RFX2: variants seen among roughly 807,000 people sequenced by gnomAD.
The protein encoded by RFX2 is DNA-binding protein RFX2.
Under a neutral mutation model 87.8 loss-of-function variants are expected in RFX2, and 20 were observed. The ratio of observed to expected loss-of-function variants is 0.23; its 90% CI spans 0.16 to 0.33. RFX2 has a LOEUF of 0.33. RFX2 is among the 10% of genes least tolerant of loss of function. The pLI, the probability that RFX2 is intolerant of heterozygous loss-of-function variation, is 1.00. For synonymous variants in RFX2, 397 were observed against 431.3 expected (o/e 0.92, Z 0.98); for missense variants, 767 against 1,012.3 (o/e 0.76, Z 3.29).
In RFX2 at chr19:6,007,370, C is replaced by T. The variant is rs751502745; in HGVS notation, c.1248-204G>A. Among the ~76,000 whole-genome samples the T allele has an allele frequency of 2.6e-5, 4 of 152,176 alleles. No homozygotes were observed. The highest frequency in any genetic ancestry group is 5.9e-5 in the Non-Finnish European group (4 of 68,032). On this transcript the variant is annotated intron_variant, in intron 11 of 17. Coordinates refer to ENST00000303657, the MANE Select transcript of RFX2 (RefSeq NM_000635.4). The surrounding 1 kb of genome is among the most constrained non-coding windows in gnomAD (Gnocchi z 8.2). The stretch of plus-strand genomic sequence containing the variant: ...GTTTCCCCCTGTCCCTCACTGTCCA[C>T]GCTGTCCCTCCCCTGCCAGTGGTCA...
At chr19:6,077,760 T>A (rs1315482466) in intron 1 of RFX2, among the ~76,000 whole-genome samples, 1 of 151,968 alleles carries the variant, frequency 6.6e-6, no homozygotes, top group Non-Finnish European at 1.5e-5. Context: ...GGCGGGTGGA[T>A]CACCTGAGGT....
chr19:6,009,792 C>G (rs2086636827), intron 9 of RFX2, among the ~76,000 whole-genome samples: 1 of 152,202 alleles, frequency 6.6e-6, no homozygotes, highest in African/African-American at 2.4e-5. Flanking sequence ...TCTTGAACTC[C>G]TGAGCTCAAG....
chr19:6,008,768 C>A (rs2086623591), intron 9 of RFX2, among the ~76,000 whole-genome samples: 2 of 151,380 alleles, frequency 1.3e-5, no homozygotes, highest in African/African-American at 4.9e-5. Flanking sequence ...ACCTCCTCCT[C>A]CTGGGTTCAA....
intron 1 of RFX2, among the ~76,000 whole-genome samples, chr19:6,055,771 TG>T (rs2087329614): frequency 6.6e-6 from 1 of 152,148 alleles, no homozygotes; most frequent in African/African-American, 2.4e-5. Flanking sequence ...CAGATTATGA[TG>T]ATTTAAAGAT....
At chr19:5,995,740 G>A (rs893207619) in intron 16 of RFX2, 97 bp from the exon 17 acceptor site, 19 of 1,058,570 alleles carry the variant, frequency 1.8e-5, no homozygotes, top group Admixed American at 1.2e-4. Context: ...CTTGAGCCAC[G>A]TCCTCCATTC....
At chr19:6,073,669 T>A in intron 1 of RFX2, 2 of 252,992 alleles carry the variant, frequency 7.9e-6, no homozygotes, top group East Asian at 1.1e-4. Flanking sequence ...GAAGGAAGGC[T>A]GAATGGATGA....
Position 5,997,964 on chromosome 19 carries a change from C to T in RFX2, c.1860-751G>A, listed in dbSNP as rs1172204330. Reference sequence around the variant, plus strand: ...GTCTTTCCTAGGATGGCTGCAAATACTACCTGGTTCTTTCTGGGAGAGGCG... The same window carrying T: ...GTCTTTCCTAGGATGGCTGCAAATATTACCTGGTTCTTTCTGGGAGAGGCG... On this transcript the variant is annotated intron_variant, in intron 15 of 17. Transcript: ENST00000303657. This position sits in a 1 kb window ranked among gnomAD's most constrained non-coding sequence, Gnocchi z 4.2. 6.6e-6 allele frequency among the ~76,000 whole-genome samples: 1 copy of T among 152,154 alleles called. No homozygotes were observed. The highest frequency in any genetic ancestry group is 1.5e-5 in the Non-Finnish European group (1 of 68,034).
rs540034764 is a variant in RFX2 at position 5,999,572 on chromosome 19, G to A, written c.1859+2243C>T. Among the ~76,000 whole-genome samples the A allele has an allele frequency of 6.6e-6, 1 of 152,262 alleles. No individual in the cohort carries two copies. Among genetic ancestry groups the A allele is most frequent in the South Asian group, 2.1e-4 (1 of 4,818 alleles). ...TCTGTTATGTGGCAGTGGTGTGCTA[G>A]GTCCATGGCAGAGCCGCATAGTCTA... On this transcript the variant is annotated intron_variant, in intron 15 of 17. Coordinates refer to ENST00000303657, the MANE Select transcript of RFX2 (RefSeq NM_000635.4). The surrounding 1 kb of genome is among the most constrained non-coding windows in gnomAD (Gnocchi z 4.1).
rs367729637 is a variant in RFX2 at position 6,013,036 on chromosome 19, C to T, written c.849G>A (p.Glu283=). The T allele has an allele frequency of 1.9e-6, 3 of 1,603,118 alleles. No individual in the cohort carries two copies. The highest frequency in any genetic ancestry group is 1.7e-5 in the Admixed American group (1 of 57,936). The change falls in exon 8 of 18, where the codon GAG becomes GAA. Residue 283 remains glutamate, a synonymous_variant. Transcript: ENST00000303657. This position sits in a 1 kb window ranked among gnomAD's most constrained non-coding sequence, Gnocchi z 4.1. Reference sequence around the variant, plus strand: ...GCCGCATGGCCATGTACTGCGTGTCCTCCTGCAGCCGGTTCAGTGGTGAGT... The same window carrying T: ...GCCGCATGGCCATGTACTGCGTGTCTTCCTGCAGCCGGTTCAGTGGTGAGT... ...KPDSPLNRLQ[E]DTQYMAMRQQ...
At position 6,083,548 on chromosome 19, in the gene RFX2, G is replaced by GTTTT. The variant is rs66503447; in HGVS notation, c.-9+26841_-9+26844dup. 2.8e-5 allele frequency among the ~76,000 whole-genome samples: 4 copies of GTTTT among 143,600 alleles called. No homozygotes were observed. Among genetic ancestry groups the GTTTT allele is most frequent in the African/African-American group, 1.0e-4 (4 of 39,180 alleles). 94.2% of individuals were successfully genotyped at this position (143,600 alleles called of 152,430 possible). ...TGTGCTAGATGTAGTCTGCTGACCCGTTTTTTTTTTTTTTAATTTTTATTC... is the reference window on the plus strand; with the variant it reads ...TGTGCTAGATGTAGTCTGCTGACCCGTTTTTTTTTTTTTTTTTTAATTTTTATTC... On this transcript the variant is annotated intron_variant, in intron 1 of 17. Transcript: ENST00000303657. This position sits in a 1 kb window ranked among gnomAD's most constrained non-coding sequence, Gnocchi z 4.6.
chr19:6,073,026 C>T lies in RFX2; in HGVS notation c.-8-25522G>A. ...ACAGAGTCTCACTCTGTTGTGCAGG[C>T]TGCAGTGCAGTGGTGCGATCTCAGC... On this transcript the variant is annotated intron_variant, in intron 1 of 17. Transcript: ENST00000303657. 4 of 514,058 alleles carry T rather than the reference C, an allele frequency of 7.8e-6. No individual in the cohort carries two copies. In the South Asian group the frequency reaches 7.8e-5, roughly 10 times the overall value. 31.8% of individuals were successfully genotyped at this position (514,058 alleles called of 1,614,324 possible).
rs1222963833 is a variant in RFX2 at position 6,032,887 on chromosome 19, C to T, written c.523-6650G>A. 2.6e-5 allele frequency among the ~76,000 whole-genome samples: 4 copies of T among 152,236 alleles called. No homozygotes were observed. In the East Asian group the frequency reaches 7.7e-4, roughly 29 times the overall value. On this transcript the variant is annotated intron_variant, in intron 5 of 17. Coordinates refer to ENST00000303657, the MANE Select transcript of RFX2 (RefSeq NM_000635.4). The stretch of plus-strand genomic sequence containing the variant: ...CACTACAGCCTTGACCTCCTGGGCT[C>T]AGGCCATCCTCCCACCTCAGTCTCC...
chr19:6,004,301 G>A lies in RFX2; in HGVS notation c.1403-3C>T. On this transcript the variant is annotated splice_region_variant and splice_polypyrimidine_tract_variant and intron_variant, in intron 12 of 17. Coordinates refer to ENST00000303657, the MANE Select transcript of RFX2 (RefSeq NM_000635.4). The surrounding 1 kb of genome is among the most constrained non-coding windows in gnomAD (Gnocchi z 4.8). ...ACGGATGGCCTGTGTCAAGGTACCT[G>A]GGGGATACAGACCATGATATTACCA... The A allele has an allele frequency of 6.2e-7, 1 of 1,611,500 alleles. No individual in the cohort carries two copies. The highest frequency in any genetic ancestry group is 8.5e-7 in the Non-Finnish European group (1 of 1,177,660).
chr19:6,004,367 G>T lies in RFX2; in HGVS notation c.1403-69C>A. On this transcript the variant is annotated intron_variant, in intron 12 of 17. Transcript: ENST00000303657. The surrounding 1 kb of genome is among the most constrained non-coding windows in gnomAD (Gnocchi z 4.8). ...ACTGGACCCTGGAAATCAGCATTCAGTGTAAGAGCTGGCCCAAGTGCGATG... is the reference window on the plus strand; with the variant it reads ...ACTGGACCCTGGAAATCAGCATTCATTGTAAGAGCTGGCCCAAGTGCGATG... The T allele has an allele frequency of 7.6e-7, 1 of 1,308,004 alleles. No individual in the cohort carries two copies. Among genetic ancestry groups the T allele is most frequent in the Non-Finnish European group, 1.1e-6 (1 of 901,864 alleles). The allele number at this position is 1,308,004 out of a possible 1,614,324, so 81.0% of individuals were successfully genotyped here.
At chr19:6,053,193 A>C (rs79196960) in intron 1 of RFX2, among the ~76,000 whole-genome samples, 3,773 of 152,328 alleles carry the variant, frequency 0.025, 144 homozygotes, top group African/African-American at 0.085. Context: ...AGCCATGAAA[A>C]GACATGGAAG....
chr19:6,107,013 C>T (rs545199586), intron 1 of RFX2, among the ~76,000 whole-genome samples: 223 of 150,678 alleles, frequency 1.5e-3, no homozygotes, highest in South Asian at 9.1e-3. Flanking sequence ...CCACAGGTGC[C>T]GGCCGGGCGC....
rs562248672 is a variant in RFX2, at chr19:6,018,464, CAGG to C, written c.598-2196_598-2194del. On this transcript the variant is annotated intron_variant, in intron 6 of 17. Transcript: ENST00000303657. Reference sequence around the variant, plus strand: ...CTGCCCTGGGTTCTGGAACGTTTCACAGGAGGACAAACAGGTCAAAGGTTCAGG... The same window carrying C: ...CTGCCCTGGGTTCTGGAACGTTTCACAGGACAAACAGGTCAAAGGTTCAGG... 1.2e-4 allele frequency among the ~76,000 whole-genome samples: 18 copies of C among 152,328 alleles called. No individual in the cohort carries two copies. In the South Asian group the frequency reaches 3.7e-3, roughly 32 times the overall value.
intron 1 of RFX2, among the ~76,000 whole-genome samples, chr19:6,106,102 T>A (rs1308985235): frequency 6.6e-6 from 1 of 152,188 alleles, no homozygotes; most frequent in African/African-American, 2.4e-5. Context: ...TTTCGCCCAC[T>A]TCATTCTGGG....
chr19:6,042,006 A>T, intron 4 of RFX2, 38 bp downstream of exon 4: 1 of 1,570,314 alleles, frequency 6.4e-7, no homozygotes, highest in South Asian at 1.1e-5. Flanking sequence ...GGAGTCAGGG[A>T]GAGGGTTCCG....
Sources: gnomAD v4.1 joint callset for allele counts (sites outside exome capture counted in the v4.1 genomes callset) on GRCh38, gnomAD v4.1.1 for gene constraint, Gnocchi (gnomAD v3.1) non-coding constraint, MANE v1.5 for transcripts, NCBI Gene and HGNC (gene_info 2026-07-23, HGNC 2026-07-21) for gene names.